The following CDC14A variants were observed in gnomAD, a reference collection of about 807,000 sequenced individuals.
CDC14A encodes dual specificity protein phosphatase CDC14A.
CDC14A carries 53 observed loss-of-function variants against 74.4 expected under a neutral mutation model. The observed-to-expected ratio is 0.71, with a 90% CI of 0.57 to 0.89. The LOEUF (loss-of-function observed/expected upper bound fraction) is 0.89. CDC14A is among the 40% of genes least tolerant of loss of function. CDC14A has a pLI of 0.00. For synonymous variants in CDC14A, 247 were observed against 258.4 expected (o/e 0.96, Z 0.43); for missense variants, 646 against 713.7 (o/e 0.91, Z 1.08).
At chr1:100,459,170 C>T (rs564649295) in intron 8 of CDC14A, among the ~76,000 whole-genome samples, 1 of 148,980 alleles carries the variant, frequency 6.7e-6, no homozygotes, top group Admixed American at 6.7e-5. Flanking sequence ...CTGAGAATCC[C>T]GACCATTTGA....
chr1:100,408,484 A>T (rs1288030349), intron 4 of CDC14A, among the ~76,000 whole-genome samples: 1 of 152,184 alleles, frequency 6.6e-6, no homozygotes, highest in Non-Finnish European at 1.5e-5. Context: ...GTCTTTGAGG[A>T]ATCACCACAC....
In CDC14A at chr1:100,518,530, T is replaced by A; in HGVS notation, c.*250T>A. On this transcript the variant is annotated 3_prime_UTR_variant, in exon 16 of 16. Transcript: ENST00000336454. The stretch of plus-strand genomic sequence containing the variant: ...TTTAAAGACAGTTTTAATGTTGAAT[T>A]TGGTATTTTGAAGGGTTATTTTTAA... The A allele has an allele frequency of 2.4e-6, 1 of 417,678 alleles. No homozygotes were observed. The highest frequency in any genetic ancestry group is 4.3e-6 in the Non-Finnish European group (1 of 231,382). 25.9% of individuals were successfully genotyped at this position (417,678 alleles called of 1,614,324 possible). A position where few individuals can be genotyped will look rare whatever the true frequency, so the allele number is the denominator to read the frequency against.
At chr1:100,481,550 A>C (rs1361828280) in intron 10 of CDC14A, among the ~76,000 whole-genome samples, 1 of 152,206 alleles carries the variant, frequency 6.6e-6, no homozygotes, top group Non-Finnish European at 1.5e-5. Flanking sequence ...ATCAGAATCA[A>C]CTGTAACTTG....
Position 100,518,738 on chromosome 1 carries a change from T to A in CDC14A, c.*458T>A, listed in dbSNP as rs1056844949. The A allele has an allele frequency of 2.0e-5, 3 of 152,652 alleles. No individual in the cohort carries two copies. Among genetic ancestry groups the A allele is most frequent in the Admixed American group, 2.0e-4 (3 of 15,268 alleles). 9.5% of individuals were successfully genotyped at this position (152,652 alleles called of 1,614,324 possible). ...ACCAAAAATTTGTATTTTAAATCTGTTTAGTTTTAGTATGGTTTTGTCTCT... is the reference window on the plus strand; with the variant it reads ...ACCAAAAATTTGTATTTTAAATCTGATTAGTTTTAGTATGGTTTTGTCTCT... On this transcript the variant is annotated 3_prime_UTR_variant, in exon 16 of 16. Transcript: ENST00000336454.
In CDC14A at chr1:100,418,500, C is replaced by T. The variant is rs529109793; in HGVS notation, c.310-5722C>T. 2.0e-4 allele frequency among the ~76,000 whole-genome samples: 30 copies of T among 152,194 alleles called. No homozygotes were observed. In the South Asian group the frequency reaches 3.1e-3, roughly 16 times the overall value. On this transcript the variant is annotated intron_variant, in intron 4 of 15. Coordinates refer to ENST00000336454, the MANE Select transcript of CDC14A (RefSeq NM_003672.4). The stretch of plus-strand genomic sequence containing the variant: ...AAAATGACAAATTTACCTGAAAAGG[C>T]AGGCTGGGACGATATCTTGGTGAAG...
chr1:100,455,184 T>C (rs545186272), intron 7 of CDC14A, among the ~76,000 whole-genome samples: 1 of 152,340 alleles, frequency 6.6e-6, no homozygotes, highest in South Asian at 2.1e-4. Context: ...TAAAAGTTTC[T>C]AAACATTTCA....
At chr1:100,386,957 A>T (rs1349162065) in intron 3 of CDC14A, among the ~76,000 whole-genome samples, 1 of 152,106 alleles carries the variant, frequency 6.6e-6, no homozygotes, top group Non-Finnish European at 1.5e-5. Flanking sequence ...TGATTATGTA[A>T]TAGTATTTTT....
At chr1:100,477,421 C>T (rs1034409085) in intron 10 of CDC14A, among the ~76,000 whole-genome samples, 1 of 151,400 alleles carries the variant, frequency 6.6e-6, no homozygotes, top group Non-Finnish European at 1.5e-5. Context: ...ATAGAGGAGT[C>T]GTGTGACTTA....
chr1:100,417,883 A>G (rs546435046), intron 4 of CDC14A, among the ~76,000 whole-genome samples: 10 of 152,354 alleles, frequency 6.6e-5, no homozygotes, highest in South Asian at 2.1e-4. Context: ...CTGAGCATCT[A>G]TCTGACAGGA....
At chr1:100,399,433 G>A (rs1025798904) in intron 4 of CDC14A, among the ~76,000 whole-genome samples, 5 of 151,982 alleles carry the variant, frequency 3.3e-5, no homozygotes, top group African/African-American at 1.2e-4. Flanking sequence ...GGAGCATATT[G>A]CTATACTTAA....
intron 8 of CDC14A, among the ~76,000 whole-genome samples, chr1:100,460,736 T>G (rs1017966298): frequency 6.6e-6 from 1 of 152,248 alleles, no homozygotes; most frequent in African/African-American, 2.4e-5. Context: ...CAGAAGATTT[T>G]AAATAAGCTC....
chr1:100,396,452 G>A (rs1658499903), intron 4 of CDC14A, among the ~76,000 whole-genome samples: 1 of 152,214 alleles, frequency 6.6e-6, no homozygotes. Flanking sequence ...ATGAAAGAAA[G>A]AAGGTAATAT....
intron 7 of CDC14A, among the ~76,000 whole-genome samples, chr1:100,445,828 C>CA (rs1423371993): frequency 1.3e-5 from 2 of 152,142 alleles, no homozygotes; most frequent in Non-Finnish European, 2.9e-5. Flanking sequence ...TTGATGTTGT[C>CA]AAACAACTTC....
intron 15 of CDC14A, among the ~76,000 whole-genome samples, chr1:100,510,997 G>A (rs979779138): frequency 6.6e-6 from 1 of 152,204 alleles, no homozygotes; most frequent in Non-Finnish European, 1.5e-5. Context: ...CTGTCTCAAA[G>A]TTTATCTGCA....
chr1:100,498,841 T>G (rs1648289757), intron 14 of CDC14A, 88 bp from the exon 15 acceptor site: 1 of 1,484,260 alleles, frequency 6.7e-7, no homozygotes, highest in Admixed American at 2.4e-5. Flanking sequence ...TCCCCTAATG[T>G]CATGAGTATG....
chr1:100,488,150 T>C (rs1670234971), intron 11 of CDC14A, among the ~76,000 whole-genome samples: 1 of 152,214 alleles, frequency 6.6e-6, no homozygotes, highest in Admixed American at 6.5e-5. Context: ...TGGAGTTATC[T>C]TAAAAGATAG....
chr1:100,392,336 G>C (rs1484215465), intron 4 of CDC14A, among the ~76,000 whole-genome samples: 1 of 152,174 alleles, frequency 6.6e-6, no homozygotes, highest in Non-Finnish European at 1.5e-5. Context: ...TTCAAGCCCT[G>C]TAAACAAACG....
intron 14 of CDC14A, among the ~76,000 whole-genome samples, chr1:100,498,589 A>C (rs1261474882): frequency 6.6e-6 from 1 of 152,172 alleles, no homozygotes; most frequent in Non-Finnish European, 1.5e-5. Context: ...GTCTGCTTTT[A>C]ATGCTCCCCT....
intron 8 of CDC14A, among the ~76,000 whole-genome samples, chr1:100,459,224 T>A (rs1391080315): frequency 6.6e-6 from 1 of 152,050 alleles, no homozygotes; most frequent in Non-Finnish European, 1.5e-5. Flanking sequence ...AGTGTCCCGT[T>A]TAGTAAAGAG....
Sources: allele counts gnomAD v4.1 joint callset (sites outside exome capture counted in the v4.1 genomes callset), GRCh38; gene constraint gnomAD v4.1.1; transcripts MANE v1.5; gene names NCBI Gene and HGNC (gene_info 2026-07-23, HGNC 2026-07-21).